The following TDRD3 variants were observed in gnomAD, a reference collection of about 807,000 sequenced individuals.
TDRD3 encodes tudor domain-containing protein 3.
TDRD3 carries 45 observed loss-of-function variants against 86.7 expected under a neutral mutation model. The ratio of observed to expected loss-of-function variants is 0.52; its 90% CI spans 0.41 to 0.67. TDRD3 has a LOEUF of 0.67. Among genes scored for constraint, TDRD3 ranks in the 30% least tolerant of loss-of-function variants. The pLI is 0.00. For missense variants in TDRD3, 814 were observed against 889.0 expected (o/e 0.92, Z 1.07); for synonymous variants, 298 against 301.7 (o/e 0.99, Z 0.13).
intron 12 of TDRD3, among the ~76,000 whole-genome samples, chr13:60,553,248 T>C (rs1185395016): frequency 6.6e-6 from 1 of 152,226 alleles, no homozygotes; most frequent in African/African-American, 2.4e-5. Flanking sequence ...AGGTCACCTC[T>C]TGAATGCTTT....
intron 3 of TDRD3, among the ~76,000 whole-genome samples, chr13:60,459,773 A>G (rs1489135044): frequency 1.3e-5 from 2 of 152,156 alleles, no homozygotes; most frequent in Admixed American, 6.5e-5. Flanking sequence ...GGTGCATGCC[A>G]CCATACCCAG....
chr13:60,457,720 G>A (rs578066182), intron 3 of TDRD3, among the ~76,000 whole-genome samples: 1 of 152,192 alleles, frequency 6.6e-6, no homozygotes, highest in South Asian at 2.1e-4. Context: ...GTGTCAGCAG[G>A]GTTGGTTCCT....
chr13:60,426,503 A>T (rs1293616470), intron 1 of TDRD3, among the ~76,000 whole-genome samples: 1 of 152,242 alleles, frequency 6.6e-6, no homozygotes. Context: ...ATCTATATGT[A>T]TCCTGTAACA....
intron 8 of TDRD3, 77 bp downstream of exon 8, chr13:60,494,652 A>G (rs1474967990): frequency 2.1e-6 from 3 of 1,429,754 alleles, no homozygotes; most frequent in South Asian, 1.4e-5. Context: ...TACCACCACC[A>G]CTGGCTTTGT....
At chr13:60,509,049 A>C (rs984566409) in intron 8 of TDRD3, among the ~76,000 whole-genome samples, 1 of 152,220 alleles carries the variant, frequency 6.6e-6, no homozygotes, top group Non-Finnish European at 1.5e-5. Flanking sequence ...AGAAATCAGG[A>C]AAACAATGTA....
intron 8 of TDRD3, among the ~76,000 whole-genome samples, chr13:60,496,328 T>C (rs1595022113): frequency 1.0e-5 from 1 of 97,422 alleles, no homozygotes; most frequent in East Asian, 3.0e-4. Flanking sequence ...TATATATATA[T>C]ATATATATAT....
chr13:60,435,253 C>A (rs1955060751), intron 1 of TDRD3, among the ~76,000 whole-genome samples: 1 of 151,794 alleles, frequency 6.6e-6, no homozygotes, highest in Non-Finnish European at 1.5e-5. Flanking sequence ...GTTCAGAAAA[C>A]CTTTTATAGG....
intron 5 of TDRD3, among the ~76,000 whole-genome samples, chr13:60,472,074 A>T (rs1162813265): frequency 2.0e-5 from 3 of 152,064 alleles, no homozygotes; most frequent in Non-Finnish European, 4.4e-5. Flanking sequence ...TATTTTTATT[A>T]TAAAAGTGTG....
intron 12 of TDRD3, chr13:60,547,301 T>A (rs1957960153): frequency 1.0e-6 from 1 of 985,364 alleles, no homozygotes; most frequent in Non-Finnish European, 1.2e-6. Context: ...TGAAAAGGGA[T>A]CTCTGAGGTG....
chr13:60,571,940 A>G (rs1333335173), intron 13 of TDRD3, among the ~76,000 whole-genome samples: 1 of 152,236 alleles, frequency 6.6e-6, no homozygotes, highest in Non-Finnish European at 1.5e-5. Context: ...TAGGGGAGAT[A>G]GAGCCCAAAA....
Position 60,529,007 on chromosome 13 carries a change from A to C in TDRD3, c.1782A>C (p.Pro594=). 6 of 1,614,102 alleles carry C rather than the reference A, an allele frequency of 3.7e-6. No homozygotes were observed. The highest frequency in any genetic ancestry group is 4.2e-6 in the Non-Finnish European group (5 of 1,179,974). ...TTCCAAATGGAGAAGTAGAAATGCC[A>C]CTGAAAGGAAGACGAATAGGACCTA... ...IGVPNGEVEM[P]LKGRRIGPIK... The change falls in exon 11 of 14, where the codon CCA becomes CCC. Residue 594 remains proline, a synonymous_variant. Coordinates refer to ENST00000377881, the MANE Select transcript of TDRD3 (RefSeq NM_001146070.2).
rs147683173 is a variant in TDRD3, at chr13:60,565,663, G to C, written c.2119-1862G>C. ...TCCAGCCAATTCTGCAGCCAAATATGGAGAAAAGTAGTATTCCATTCTAAT... is the reference window on the plus strand; with the variant it reads ...TCCAGCCAATTCTGCAGCCAAATATCGAGAAAAGTAGTATTCCATTCTAAT... On this transcript the variant is annotated intron_variant, in intron 12 of 13. Coordinates refer to ENST00000377881, the MANE Select transcript of TDRD3 (RefSeq NM_001146070.2). 4.7e-3 allele frequency among the ~76,000 whole-genome samples: 716 copies of C among 151,968 alleles called. 4 individuals are homozygous for C. The highest frequency in any genetic ancestry group is 0.017 in the African/African-American group (693 of 41,456).
At chr13:60,418,100 C>G (rs1007157182) in intron 1 of TDRD3, among the ~76,000 whole-genome samples, 2 of 152,130 alleles carry the variant, frequency 1.3e-5, no homozygotes, top group Non-Finnish European at 2.9e-5. Context: ...GTCTGTCTTA[C>G]AAAGGTATGC....
At chr13:60,397,957 A>C (rs1384414775) in intron 1 of TDRD3, among the ~76,000 whole-genome samples, 9 of 152,166 alleles carry the variant, frequency 5.9e-5, no homozygotes, top group Non-Finnish European at 1.3e-4. Flanking sequence ...ACCAGTGTGA[A>C]TCTGCCTTCC....
intron 12 of TDRD3, among the ~76,000 whole-genome samples, chr13:60,566,179 T>C (rs1958455099): frequency 6.6e-6 from 1 of 152,106 alleles, no homozygotes; most frequent in Non-Finnish European, 1.5e-5. Context: ...AACCGAAAGA[T>C]ACTACTGTCT....
chr13:60,484,664 A>T (rs1313811531), intron 6 of TDRD3: 1 of 444,678 alleles, frequency 2.2e-6, no homozygotes, highest in Non-Finnish European at 4.5e-6. Context: ...GCATTTAAAA[A>T]ATAATGTTGA....
In TDRD3 at chr13:60,494,440, G is replaced by A. The variant is rs1299305224; in HGVS notation, c.723G>A (p.Lys241=). Residue 241 remains lysine, a synonymous_variant, in exon 8 of 14, where the codon AAG becomes AAA. Transcript: ENST00000377881. ...IAEVAKSKET[K]TFGGGGGGAR... ...TATCTTTCTCTTATGTAAAGACCAA[G>A]ACATTTGGAGGAGGTGGTGGTGGTG... is the stretch of plus-strand genomic sequence containing the variant. The A allele has an allele frequency of 6.2e-6, 10 of 1,612,732 alleles. No individual in the cohort carries two copies. The highest frequency in any genetic ancestry group is 4.5e-5 in the East Asian group (2 of 44,788).
At chr13:60,559,735 G>A (rs530526280) in intron 12 of TDRD3, among the ~76,000 whole-genome samples, 1 of 152,228 alleles carries the variant, frequency 6.6e-6, no homozygotes, top group East Asian at 1.9e-4. Context: ...AGGAGCAGAG[G>A]GTGAGGGAAA....
chr13:60,428,716 T>G (rs1453517858), intron 1 of TDRD3, among the ~76,000 whole-genome samples: 1 of 152,186 alleles, frequency 6.6e-6, no homozygotes, highest in African/African-American at 2.4e-5. Context: ...AGACAAAGCC[T>G]TGTGGGCCCA....
Sources: gnomAD v4.1 joint callset for allele counts (sites outside exome capture counted in the v4.1 genomes callset) on GRCh38, gnomAD v4.1.1 for gene constraint, MANE v1.5 for transcripts, NCBI Gene and HGNC (gene_info 2026-07-23, HGNC 2026-07-21) for gene names.